The following ROR2 variants were observed in gnomAD, a reference collection of about 807,000 sequenced individuals.
ROR2 encodes the protein ROR family WNT receptor 2.
Under a neutral mutation model 74.9 loss-of-function variants are expected in ROR2, and 33 were observed. That is an observed-to-expected ratio of 0.44 (90% confidence interval 0.33 to 0.59). ROR2 has a LOEUF of 0.59. Ranked by LOEUF, ROR2 falls within the 20% of genes least tolerant of loss-of-function variation. ROR2 has a pLI of 0.02. For missense variants in ROR2, 1,216 were observed against 1,313.8 expected (o/e 0.93, Z 1.15); for synonymous variants, 586 against 558.7 (o/e 1.05, Z -0.69).
intron 1 of ROR2, among the ~76,000 whole-genome samples, chr9:91,919,340 T>C (rs1225543251): frequency 2.0e-5 from 3 of 152,226 alleles, no homozygotes; most frequent in Non-Finnish European, 4.4e-5. Flanking sequence ...AAGACTCTGC[T>C]TTCTTGACTG....
intron 1 of ROR2, among the ~76,000 whole-genome samples, chr9:91,825,759 G>A (rs546599161): frequency 3.1e-4 from 47 of 152,200 alleles, no homozygotes; most frequent in African/African-American, 1.1e-3. Flanking sequence ...AAAAAAGTGG[G>A]GGAGGGTAGG....
intron 1 of ROR2, among the ~76,000 whole-genome samples, chr9:91,843,508 C>G (rs1011066070): frequency 2.6e-5 from 4 of 152,176 alleles, no homozygotes; most frequent in African/African-American, 9.7e-5. Flanking sequence ...AGATGAGAGG[C>G]GCAGGTGGGG....
At chr9:91,932,007 A>G (rs1174658980) in intron 1 of ROR2, among the ~76,000 whole-genome samples, 1 of 152,208 alleles carries the variant, frequency 6.6e-6, no homozygotes, top group African/African-American at 2.4e-5. Flanking sequence ...AGTGAGATAA[A>G]AACTGAATTT....
chr9:91,781,882 A>G (rs970870463), intron 1 of ROR2, among the ~76,000 whole-genome samples: 5 of 152,202 alleles, frequency 3.3e-5, no homozygotes, highest in African/African-American at 1.2e-4. Context: ...AAGTGAGTCA[A>G]TGTACCAGCC....
At chr9:91,767,115 G>A (rs12003706) in intron 2 of ROR2, among the ~76,000 whole-genome samples, 1,853 of 150,490 alleles carry the variant, frequency 0.012, 34 homozygotes, top group African/African-American at 0.041. Flanking sequence ...TCGCTCTGTC[G>A]CCAGACTGGA....
chr9:91,821,096 G>A (rs1456388405), intron 1 of ROR2, among the ~76,000 whole-genome samples: 3 of 133,428 alleles, frequency 2.2e-5, no homozygotes, highest in East Asian at 2.3e-4. Flanking sequence ...ATGAGACTTC[G>A]TCTCAAAAAA....
intron 5 of ROR2, among the ~76,000 whole-genome samples, 179 bp downstream of exon 5, chr9:91,737,212 C>A (rs1176945286): frequency 6.6e-6 from 1 of 152,172 alleles, no homozygotes; most frequent in Non-Finnish European, 1.5e-5. Context: ...ATTTTTAGGG[C>A]AAATCATGTT....
At chr9:91,934,170 G>C (rs914849514) in intron 1 of ROR2, among the ~76,000 whole-genome samples, 36 of 151,964 alleles carry the variant, frequency 2.4e-4, no homozygotes, top group Non-Finnish European at 5.0e-4. Flanking sequence ...TCTCAGTTTT[G>C]GTTTCTTTTT....
At chr9:91,827,892 T>A (rs1331290398) in intron 1 of ROR2, among the ~76,000 whole-genome samples, 2 of 152,278 alleles carry the variant, frequency 1.3e-5, no homozygotes, top group East Asian at 3.8e-4. Context: ...CCTATCAGTA[T>A]CCATCATTTT....
At chr9:91,873,776 C>T (rs534472292) in intron 1 of ROR2, among the ~76,000 whole-genome samples, 4 of 152,250 alleles carry the variant, frequency 2.6e-5, no homozygotes, top group East Asian at 1.9e-4. Context: ...ATTTATCCAG[C>T]GCCGAGCAGC....
chr9:91,836,651 T>TGCCCCACCCCC (rs1828620159), intron 1 of ROR2, among the ~76,000 whole-genome samples: 1 of 152,218 alleles, frequency 6.6e-6, no homozygotes, highest in Admixed American at 6.5e-5. Flanking sequence ...TGCCTGCCCC[T>TGCCCCACCCCC]GCCCCACCCC....
At chr9:91,901,682 G>A (rs1325626058) in intron 1 of ROR2, among the ~76,000 whole-genome samples, 1 of 152,022 alleles carries the variant, frequency 6.6e-6, no homozygotes, top group East Asian at 1.9e-4. Flanking sequence ...CAGGCATGGT[G>A]GCATGCGCTT....
Position 91,850,480 on chromosome 9 carries a change from C to T in ROR2, c.98-74662G>A, listed in dbSNP as rs202111090. Among the ~76,000 whole-genome samples, 6 of 152,206 alleles carry T rather than the reference C, an allele frequency of 3.9e-5. No homozygotes were observed. In the South Asian group the frequency reaches 6.2e-4, roughly 16 times the overall value. ...TCAGGACCACAAGAAAAGACTGTGACGCTGAAGCAAAGGGAAGGAGACAGG... is the reference window on the plus strand; with the variant it reads ...TCAGGACCACAAGAAAAGACTGTGATGCTGAAGCAAAGGGAAGGAGACAGG... On this transcript the variant is annotated intron_variant, in intron 1 of 8. Transcript: ENST00000375708.
intron 1 of ROR2, among the ~76,000 whole-genome samples, chr9:91,845,877 CAAAAAAAAAAAAAAAAAAA>C (rs5899143): frequency 2.7e-4 from 9 of 33,900 alleles, no homozygotes; most frequent in Non-Finnish European, 4.7e-4. Context: ...GAATCCATCT[CAAAAAAAAAAAAAAAAAAA>C]AAAAAAAAAA....
intron 8 of ROR2, 132 bp from the exon 9 acceptor site, chr9:91,725,239 T>G: frequency 6.6e-7 from 1 of 1,516,428 alleles, no homozygotes; most frequent in South Asian, 1.1e-5. Flanking sequence ...CCCGCTGGTT[T>G]TGCCCACCCA....
chr9:91,752,159 G>C (rs1485791652), intron 4 of ROR2, among the ~76,000 whole-genome samples: 1 of 152,222 alleles, frequency 6.6e-6, no homozygotes, highest in Non-Finnish European at 1.5e-5. Flanking sequence ...GGTAAAAAGA[G>C]TTCAGGAGAA....
intron 1 of ROR2, among the ~76,000 whole-genome samples, chr9:91,885,320 G>A (rs1450870670): frequency 6.6e-6 from 1 of 151,712 alleles, no homozygotes; most frequent in African/African-American, 2.4e-5. Flanking sequence ...TTGGGGGGCG[G>A]TAGGGCAGGG....
chr9:91,787,781 A>C (rs1205113351), intron 1 of ROR2, among the ~76,000 whole-genome samples: 1 of 151,956 alleles, frequency 6.6e-6, no homozygotes, highest in Non-Finnish European at 1.5e-5. Flanking sequence ...GAAACAAGAA[A>C]GTATGTCACA....
chr9:91,911,875 T>A (rs1830990560), intron 1 of ROR2, among the ~76,000 whole-genome samples: 1 of 123,690 alleles, frequency 8.1e-6, no homozygotes, highest in East Asian at 2.7e-4. Flanking sequence ...TGCTTCCTGC[T>A]ACAACACAAC....
Sources: gnomAD v4.1 joint callset for allele counts (sites outside exome capture counted in the v4.1 genomes callset) on GRCh38, gnomAD v4.1.1 for gene constraint, MANE v1.5 for transcripts, NCBI Gene and HGNC (gene_info 2026-07-23, HGNC 2026-07-21) for gene names.